FREM2: variants seen among roughly 807,000 people sequenced by gnomAD.
The protein encoded by FREM2 is FRAS1 related extracellular matrix 2.
In FREM2, 119 loss-of-function variants were observed where a neutral mutation model predicts 219.9. The observed-to-expected ratio is 0.54, with a 90% CI of 0.47 to 0.63. The LOEUF (loss-of-function observed/expected upper bound fraction) is 0.63. Among genes scored for constraint, FREM2 ranks in the 30% least tolerant of loss-of-function variants. FREM2 has a pLI of 0.00. For missense variants in FREM2, 4,030 were observed against 3,993.6 expected (o/e 1.01, Z -0.25); for synonymous variants, 1,562 against 1,522.8 (o/e 1.03, Z -0.60).
intron 6 of FREM2, among the ~76,000 whole-genome samples, chr13:38,802,789 G>A (rs1875069066): frequency 6.6e-6 from 1 of 152,160 alleles, no homozygotes; most frequent in African/African-American, 2.4e-5. Context: ...GCAACCTGTA[G>A]GCATCTCCCT....
At chr13:38,843,293 G>A (rs1324329546) in intron 6 of FREM2, among the ~76,000 whole-genome samples, 1 of 152,098 alleles carries the variant, frequency 6.6e-6, no homozygotes, top group Non-Finnish European at 1.5e-5. Flanking sequence ...CATGGTACAA[G>A]GCACAGTATG....
At chr13:38,791,608 G>A (rs1457612888) in intron 6 of FREM2, among the ~76,000 whole-genome samples, 1 of 152,096 alleles carries the variant, frequency 6.6e-6, no homozygotes, top group African/African-American at 2.4e-5. Context: ...GCCAAGCAAA[G>A]GGGAAACCCC....
At chr13:38,803,007 G>A (rs1205991015) in intron 6 of FREM2, among the ~76,000 whole-genome samples, 1 of 152,014 alleles carries the variant, frequency 6.6e-6, no homozygotes, top group African/African-American at 2.4e-5. Flanking sequence ...TTGCTTCTCT[G>A]TTGAATCCCA....
At position 38,881,758 on chromosome 13, in the gene FREM2, GTA is replaced by G. The variant is rs1315479816; in HGVS notation, c.*974_*975del. 6.6e-6 allele frequency: 1 copy of G among 152,580 alleles called. No individual in the cohort carries two copies. Among genetic ancestry groups the G allele is most frequent in the African/African-American group, 2.4e-5 (1 of 41,452 alleles). The allele number at this position is 152,580 out of a possible 1,614,324, so 9.5% of individuals were successfully genotyped here. ...AAAGTGGTATTTATTAATATAATGTGTATAATCAGAGTGCCTCTTATACATAC... is the reference window on the plus strand; with the variant it reads ...AAAGTGGTATTTATTAATATAATGTGTAATCAGAGTGCCTCTTATACATAC... On this transcript the variant is annotated 3_prime_UTR_variant, in exon 24 of 24. Transcript: ENST00000280481.
At chr13:38,719,376 A>G (rs1000883946) in intron 2 of FREM2, among the ~76,000 whole-genome samples, 3 of 152,110 alleles carry the variant, frequency 2.0e-5, no homozygotes, top group Non-Finnish European at 4.4e-5. Flanking sequence ...ATGCACCACC[A>G]TGCCCAGCTA....
chr13:38,851,074 T>G lies in FREM2; in HGVS notation c.6708T>G (p.Asn2236Lys), dbSNP rs1460003003. The G allele has an allele frequency of 1.2e-6, 2 of 1,613,944 alleles. No homozygotes were observed. The highest frequency in any genetic ancestry group is 3.3e-5 in the Admixed American group (2 of 60,022). ...SPFGAAVGEQ[N>K]ETLIRIRDDA... Reference sequence around the variant, plus strand: ...TTGGGGCTGCAGTTGGTGAACAAAATGAAACTCTCATAAGGATCCGAGATG... The same window carrying G: ...TTGGGGCTGCAGTTGGTGAACAAAAGGAAACTCTCATAAGGATCCGAGATG... Residue 2236 changes from asparagine (N) to lysine (K), a missense_variant, in exon 10 of 24, where the codon AAT becomes AAG. By Grantham distance (94) the Asn-to-Lys change is moderately conservative. Coordinates refer to ENST00000280481, the MANE Select transcript of FREM2 (RefSeq NM_207361.6).
intron 6 of FREM2, among the ~76,000 whole-genome samples, chr13:38,807,430 C>A (rs1214939434): frequency 6.7e-6 from 1 of 150,294 alleles, no homozygotes; most frequent in Admixed American, 6.7e-5. Flanking sequence ...TGAATTTTTC[C>A]AGAGAGTTTT....
chr13:38,759,725 A>G (rs187085067), intron 2 of FREM2, among the ~76,000 whole-genome samples: 348 of 152,346 alleles, frequency 2.3e-3, no homozygotes, highest in African/African-American at 7.9e-3. Flanking sequence ...AAAGGCAACA[A>G]ATTTTGTTTA....
chr13:38,866,930 C>G (rs979457060), intron 16 of FREM2, among the ~76,000 whole-genome samples: 4 of 152,170 alleles, frequency 2.6e-5, no homozygotes, highest in African/African-American at 9.7e-5. Flanking sequence ...AAAGCCTGCC[C>G]TCTACTGTGT....
intron 16 of FREM2, among the ~76,000 whole-genome samples, chr13:38,864,967 ATGT>A: frequency 6.7e-6 from 1 of 149,734 alleles, no homozygotes; most frequent in East Asian, 2.0e-4. Flanking sequence ...GATGCCTGTG[ATGT>A]TGTATCATGA....
chr13:38,874,635 A>G (rs1401501573), intron 18 of FREM2, 49 bp downstream of exon 18: 2 of 1,440,400 alleles, frequency 1.4e-6, no homozygotes, highest in Admixed American at 3.3e-5. Context: ...AAAAGGAGGT[A>G]GATTTTCCAT....
rs150456537 is a variant in FREM2, at chr13:38,824,570, G to A, written c.6020-22003G>A. ...AGGTATTTTGAGGGAAACAGTGGGA[G>A]TGGCTATGCAATGGGTGCTTGCTGC... On this transcript the variant is annotated intron_variant, in intron 6 of 23. Transcript: ENST00000280481. Among the ~76,000 whole-genome samples the A allele has an allele frequency of 6.0e-3, 906 of 152,138 alleles. 24 individuals are homozygous for A. The highest frequency in any genetic ancestry group is 0.053 in the Admixed American group (811 of 15,252).
At chr13:38,865,182 T>C (rs2137926418) in intron 16 of FREM2, among the ~76,000 whole-genome samples, 1 of 152,326 alleles carries the variant, frequency 6.6e-6, no homozygotes, top group Middle Eastern at 3.4e-3. Context: ...AGAAGTGTTT[T>C]TATTAAAACT....
At chr13:38,692,606 G>A (rs893747404) in intron 1 of FREM2, 89 bp downstream of exon 1, 1 of 1,459,058 alleles carries the variant, frequency 6.9e-7, no homozygotes, top group Non-Finnish European at 9.5e-7. Context: ...TTAAATTAGA[G>A]TCCAAGAGAA....
At position 38,689,200 on chromosome 13, in the gene FREM2, A is replaced by T. The variant is rs758214399; in HGVS notation, c.1856A>T (p.His619Leu). Residue 619 changes from histidine (H) to leucine (L), a missense_variant, in exon 1 of 24, where the codon CAT (histidine) becomes CTT (leucine). Transcript: ENST00000280481. ...CTTCTCCGCCAAACTCACCCTCCCCATGAGAAGCAGGAACTTCTCAGAGGC... is the reference window on the plus strand; with the variant it reads ...CTTCTCCGCCAAACTCACCCTCCCCTTGAGAAGCAGGAACTTCTCAGAGGC... ...HLLLRQTHPP[H>L]EKQELLRGLW... 6.2e-7 allele frequency: 1 copy of T among 1,614,010 alleles called. No individual in the cohort carries two copies. Among genetic ancestry groups the T allele is most frequent in the Non-Finnish European group, 8.5e-7 (1 of 1,179,982 alleles).
intron 2 of FREM2, among the ~76,000 whole-genome samples, chr13:38,704,908 A>G (rs2138087380): frequency 6.6e-6 from 1 of 152,238 alleles, no homozygotes; most frequent in African/African-American, 2.4e-5. Flanking sequence ...AGATCTCATG[A>G]GAACTCACTA....
At chr13:38,820,381 A>C (rs144861040) in intron 6 of FREM2, among the ~76,000 whole-genome samples, 1 of 152,282 alleles carries the variant, frequency 6.6e-6, no homozygotes, top group African/African-American at 2.4e-5. Context: ...TATCTTACAG[A>C]CATCAAAGAA....
At chr13:38,797,020 T>C (rs1874816247) in intron 6 of FREM2, among the ~76,000 whole-genome samples, 1 of 151,856 alleles carries the variant, frequency 6.6e-6, no homozygotes, top group Non-Finnish European at 1.5e-5. Context: ...AGGACTAAGG[T>C]GCACACCACC....
intron 14 of FREM2, 139 bp from the exon 15 acceptor site, chr13:38,861,292 T>G (rs1486463996): frequency 5.5e-5 from 44 of 799,688 alleles, no homozygotes; most frequent in Non-Finnish European, 8.3e-5. Flanking sequence ...TATCACGTGA[T>G]GTACACTCTT....
Sources: gnomAD v4.1 joint callset for allele counts (sites outside exome capture counted in the v4.1 genomes callset) on GRCh38, gnomAD v4.1.1 for gene constraint, MANE v1.5 for transcripts, NCBI Gene and HGNC (gene_info 2026-07-23, HGNC 2026-07-21) for gene names.